Variants in FBXW11 observed in about 807,000 individuals in gnomAD.
The protein encoded by FBXW11 is F-box and WD repeat domain containing 11.
FBXW11 carries 19 observed loss-of-function variants against 77.6 expected under a neutral mutation model. The observed-to-expected ratio is 0.24, with a 90% CI of 0.17 to 0.36. The LOEUF is 0.36. Among genes scored for constraint, FBXW11 ranks in the 10% least tolerant of loss-of-function variants. FBXW11 has a pLI of 1.00. For synonymous variants in FBXW11, 235 were observed against 249.4 expected, an observed-to-expected ratio of 0.94 and a Z score of 0.54; for missense variants, 334 against 704.2, an observed-to-expected ratio of 0.47 and a Z score of 5.95.
rs142539171 is a variant in FBXW11, at chr5:171,992,445, G to GGA, written c.45+14011_45+14012dup. Among the ~76,000 whole-genome samples the GGA allele has an allele frequency of 6.2e-4, 92 of 148,356 alleles. 1 individual carries two copies. Among genetic ancestry groups the GGA allele is most frequent in the African/African-American group, 2.0e-3 (80 of 40,322 alleles). On this transcript the variant is annotated intron_variant, in intron 1 of 13. Coordinates refer to ENST00000517395, the MANE Select transcript of FBXW11 (RefSeq NM_001378974.1). ...CTGTGAAAGAAAAAGAGAGAAAGGG[G>GGA]GAGAGAGAGAGAGAGAGGAAGAACG...
At chr5:171,961,644 A>G (rs1235927014) in intron 1 of FBXW11, among the ~76,000 whole-genome samples, 2 of 140,184 alleles carry the variant, frequency 1.4e-5, no homozygotes, top group Non-Finnish European at 3.0e-5. Context: ...CCACAACAGT[A>G]ATTGATTTTT....
intron 2 of FBXW11, among the ~76,000 whole-genome samples, chr5:171,934,049 G>A (rs970876527): frequency 6.6e-6 from 1 of 152,128 alleles, no homozygotes; most frequent in Admixed American, 6.6e-5. Context: ...CCTAAGGATG[G>A]TACATAGATA....
chr5:171,935,498 G>A (rs533699873), intron 2 of FBXW11, among the ~76,000 whole-genome samples: 5 of 152,018 alleles, frequency 3.3e-5, no homozygotes, highest in Non-Finnish European at 7.4e-5. Flanking sequence ...CAGGTAATAG[G>A]GGAAACTGGC....
intron 2 of FBXW11, among the ~76,000 whole-genome samples, chr5:171,918,693 T>G (rs894220694): frequency 1.3e-5 from 2 of 152,216 alleles, no homozygotes; most frequent in East Asian, 3.8e-4. Flanking sequence ...AAGAAGAAGC[T>G]AGACTCTCAG....
At position 171,869,662 on chromosome 5, in the gene FBXW11, C is replaced by T; in HGVS notation, c.1530+67G>A. ...CAAGCGTTCCTGTGATACACCTAGA[C>T]AGGACTATCTGCAAATGGTCATCCT... On this transcript the variant is annotated intron_variant, in intron 12 of 13. Coordinates refer to ENST00000517395, the MANE Select transcript of FBXW11 (RefSeq NM_001378974.1). This position sits in a 1 kb window ranked among gnomAD's most constrained non-coding sequence, Gnocchi z 4.1. 1 of 1,235,096 alleles carries T rather than the reference C, an allele frequency of 8.1e-7. No homozygotes were observed. The allele number at this position is 1,235,096 out of a possible 1,614,324, so 76.5% of individuals were successfully genotyped here. A position where few individuals can be genotyped will look rare whatever the true frequency, so the allele number is the denominator to read the frequency against.
intron 1 of FBXW11, among the ~76,000 whole-genome samples, chr5:171,974,561 A>C (rs1241001088): frequency 6.6e-6 from 1 of 152,168 alleles, no homozygotes; most frequent in East Asian, 1.9e-4. Flanking sequence ...GAAGCTAAAA[A>C]AAAAACAGGA....
intron 7 of FBXW11, among the ~76,000 whole-genome samples, chr5:171,886,422 TGGG>T (rs1202879381): frequency 3.8e-5 from 1 of 26,434 alleles, no homozygotes; most frequent in Non-Finnish European, 7.3e-5. Flanking sequence ...GGGCCTGTTG[TGGG>T]GTTGGGGGAG....
chr5:171,895,381 G>A (rs1318128108), intron 6 of FBXW11, among the ~76,000 whole-genome samples: 3 of 152,142 alleles, frequency 2.0e-5, no homozygotes, highest in Admixed American at 6.5e-5. Flanking sequence ...GGGTGGGTGG[G>A]CAAGTTTTGA....
At chr5:171,910,427 C>A in intron 4 of FBXW11, 145 bp downstream of exon 4, 2 of 541,650 alleles carry the variant, frequency 3.7e-6, no homozygotes, top group Non-Finnish European at 6.5e-6. Flanking sequence ...AATTATAATT[C>A]CTCGAGTTCC....
chr5:171,910,863 G>C, intron 3 of FBXW11, 66 bp from the exon 4 acceptor site: 1 of 1,165,928 alleles, frequency 8.6e-7, no homozygotes. Flanking sequence ...TATTTCATTA[G>C]AAATATTTTT....
intron 1 of FBXW11, among the ~76,000 whole-genome samples, chr5:171,972,502 TAAAAAAAA>T (rs70982360): frequency 1.5e-4 from 7 of 48,218 alleles, no homozygotes; most frequent in Middle Eastern, 0.025. Context: ...CTCTGTCTCA[TAAAAAAAA>T]AAAAAAAAAA....
intron 1 of FBXW11, among the ~76,000 whole-genome samples, chr5:171,988,789 G>A (rs1045517443): frequency 9.9e-5 from 15 of 152,088 alleles, no homozygotes; most frequent in African/African-American, 3.1e-4. Context: ...AGGCTGCAGT[G>A]AGCTGAGATC....
chr5:172,001,919 C>T (rs1308292624), intron 1 of FBXW11, among the ~76,000 whole-genome samples: 1 of 152,086 alleles, frequency 6.6e-6, no homozygotes, highest in African/African-American at 2.4e-5. Flanking sequence ...ACAAAGGAAA[C>T]GTGTGAGCAG....
intron 7 of FBXW11, among the ~76,000 whole-genome samples, chr5:171,883,452 C>T (rs1758659495): frequency 6.6e-6 from 1 of 152,166 alleles, no homozygotes; most frequent in South Asian, 2.1e-4. Context: ...GGGTGCAGCA[C>T]ACCAACATGG....
intron 4 of FBXW11, among the ~76,000 whole-genome samples, chr5:171,910,356 T>A (rs1760803691): frequency 6.6e-6 from 1 of 152,172 alleles, no homozygotes; most frequent in Non-Finnish European, 1.5e-5. Context: ...GTTAAGCTAC[T>A]GCGCCTGGCC....
At position 171,891,510 on chromosome 5, in the gene FBXW11, T is replaced by G; in HGVS notation, c.809A>C (p.Asp270Ala). 6.2e-7 allele frequency: 1 copy of G among 1,607,836 alleles called. No individual in the cohort carries two copies. Among genetic ancestry groups the G allele is most frequent in the Admixed American group, 1.7e-5 (1 of 59,302 alleles). The change falls in exon 7 of 14, where the codon GAT becomes GCT. Residue 270 changes from aspartate to alanine, a missense_variant. Asp to Ala is a moderately radical substitution (Grantham distance 126). Coordinates refer to ENST00000517395, the MANE Select transcript of FBXW11 (RefSeq NM_001378974.1). Reference protein sequence around the residue: ...NSKGVYCLQYDDEKIISGLRD... With the variant: ...NSKGVYCLQYADEKIISGLRD... ...TAGGCCACTGATAATTTTTTCATCA[T>G]CGTACTGTAAACAGTAGACACCTTT...
intron 2 of FBXW11, among the ~76,000 whole-genome samples, chr5:171,956,172 C>A (rs1208038077): frequency 6.6e-6 from 1 of 152,114 alleles, no homozygotes; most frequent in Non-Finnish European, 1.5e-5. Flanking sequence ...GACAAAAATA[C>A]ACCTATTATA....
At chr5:171,930,752 A>T (rs2113062287) in intron 2 of FBXW11, among the ~76,000 whole-genome samples, 1 of 50,590 alleles carries the variant, frequency 2.0e-5, no homozygotes, top group African/African-American at 6.3e-5. Flanking sequence ...AAAAATAAAA[A>T]ATAAAAAAAT....
At chr5:171,958,932 T>C (rs191598696) in intron 1 of FBXW11, among the ~76,000 whole-genome samples, 74 of 152,086 alleles carry the variant, frequency 4.9e-4, no homozygotes, top group Non-Finnish European at 2.5e-4. Context: ...ACACTTATTG[T>C]CCCCTCATAA....
Sources: allele counts gnomAD v4.1 joint callset (sites outside exome capture counted in the v4.1 genomes callset), GRCh38; gene constraint gnomAD v4.1.1; non-coding constraint Gnocchi (gnomAD v3.1); transcripts MANE v1.5; gene names NCBI Gene and HGNC (gene_info 2026-07-23, HGNC 2026-07-21).